CERS6: variants seen among roughly 807,000 people sequenced by gnomAD.
The protein encoded by CERS6 is ceramide synthase 6.
In CERS6, 26 loss-of-function variants were observed where a neutral mutation model predicts 56.8. The ratio of observed to expected loss-of-function variants is 0.46; its 90% CI spans 0.34 to 0.63. CERS6 has a LOEUF of 0.63. CERS6 is among the 30% of genes least tolerant of loss of function. The pLI, the probability that CERS6 is intolerant of heterozygous loss-of-function variation, is 0.01. For missense variants in CERS6, 415 were observed against 467.5 expected, an observed-to-expected ratio of 0.89 and a Z score of 1.04; for synonymous variants, 164 against 173.3, an observed-to-expected ratio of 0.95 and a Z score of 0.42.
At chr2:168,670,971 C>CT (rs946809240) in intron 4 of CERS6, among the ~76,000 whole-genome samples, 2 of 57,000 alleles carry the variant, frequency 3.5e-5, no homozygotes, top group Non-Finnish European at 1.5e-4. Flanking sequence ...ATGCTTCCCC[C>CT]CCCCCCCCCA....
Position 168,773,875 on chromosome 2 carries a change from CT to C in CERS6, c.*4214del, listed in dbSNP as rs1228287761. On this transcript the variant is annotated 3_prime_UTR_variant, in exon 10 of 10. Coordinates refer to ENST00000305747, the MANE Select transcript of CERS6 (RefSeq NM_203463.3). ...CATGTGCACTGGCCCCTCCCCACCCCTAGGGGGCACTCAGTAGCTGCTGAGA... is the reference window on the plus strand; with the variant it reads ...CATGTGCACTGGCCCCTCCCCACCCCAGGGGGCACTCAGTAGCTGCTGAGA... The C allele has an allele frequency of 4.6e-5, 7 of 152,342 alleles. No homozygotes were observed. Among genetic ancestry groups the C allele is most frequent in the Non-Finnish European group, 8.8e-5 (6 of 68,060 alleles). The allele number at this position is 152,342 out of a possible 1,614,324, so 9.4% of individuals were successfully genotyped here.
At chr2:168,703,077 G>T (rs1283615839) in intron 6 of CERS6, among the ~76,000 whole-genome samples, 1 of 152,106 alleles carries the variant, frequency 6.6e-6, no homozygotes, top group Non-Finnish European at 1.5e-5. Context: ...AATGGAGTTT[G>T]TTTACAATAA....
intron 3 of CERS6, among the ~76,000 whole-genome samples, chr2:168,613,325 G>A (rs1265543069): frequency 6.6e-6 from 1 of 152,172 alleles, no homozygotes; most frequent in Admixed American, 6.5e-5. Context: ...TACAGGGAGT[G>A]GGTGAGTTCA....
chr2:168,554,510 A>G (rs1396394451), intron 2 of CERS6, among the ~76,000 whole-genome samples: 2 of 152,336 alleles, frequency 1.3e-5, no homozygotes, highest in East Asian at 1.9e-4. Context: ...ATGAGGGAAG[A>G]TGCTGTGAAG....
intron 1 of CERS6, among the ~76,000 whole-genome samples, chr2:168,524,067 T>C (rs1695029020): frequency 6.6e-6 from 1 of 152,234 alleles, no homozygotes; most frequent in Non-Finnish European, 1.5e-5. Context: ...GTTCAACTCA[T>C]TCAAGGGCCA....
chr2:168,755,441 A>G (rs1037489783), intron 8 of CERS6, among the ~76,000 whole-genome samples: 9 of 152,172 alleles, frequency 5.9e-5, no homozygotes, highest in African/African-American at 1.9e-4. Context: ...GCATGGAGGC[A>G]TAAAGATGGA....
intron 3 of CERS6, among the ~76,000 whole-genome samples, chr2:168,598,192 G>A (rs1683847590): frequency 6.6e-6 from 1 of 152,160 alleles, no homozygotes; most frequent in African/African-American, 2.4e-5. Context: ...ACCTTCTTGA[G>A]CATCTCAAAC....
intron 4 of CERS6, among the ~76,000 whole-genome samples, chr2:168,648,068 G>T (rs1241891446): frequency 2.0e-5 from 3 of 152,182 alleles, no homozygotes; most frequent in South Asian, 2.1e-4. Flanking sequence ...CGATTTTTTG[G>T]TATAGTTTCT....
At chr2:168,743,999 T>TC (rs949458405) in intron 8 of CERS6, among the ~76,000 whole-genome samples, 3 of 127,590 alleles carry the variant, frequency 2.4e-5, no homozygotes, top group African/African-American at 3.3e-5. Context: ...TTTTTTCTTT[T>TC]TTTTTTTTTT....
intron 3 of CERS6, among the ~76,000 whole-genome samples, chr2:168,589,692 T>C (rs189623068): frequency 8.1e-5 from 12 of 148,754 alleles, no homozygotes; most frequent in African/African-American, 3.1e-4. Flanking sequence ...TAATACTACT[T>C]CTTCTACTCT....
At chr2:168,550,515 T>G (rs1695547186) in intron 2 of CERS6, among the ~76,000 whole-genome samples, 1 of 152,140 alleles carries the variant, frequency 6.6e-6, no homozygotes, top group Non-Finnish European at 1.5e-5. Flanking sequence ...TCATGTTCCC[T>G]AATGGCATGG....
intron 3 of CERS6, among the ~76,000 whole-genome samples, chr2:168,579,803 C>A (rs1198094847): frequency 6.6e-6 from 1 of 152,184 alleles, no homozygotes; most frequent in Non-Finnish European, 1.5e-5. Flanking sequence ...TCTCCCAGCT[C>A]CTCTCGCTGC....
At chr2:168,582,355 C>T (rs1683433881) in intron 3 of CERS6, among the ~76,000 whole-genome samples, 1 of 152,132 alleles carries the variant, frequency 6.6e-6, no homozygotes, top group Non-Finnish European at 1.5e-5. Context: ...CTGTGGTGTT[C>T]TACTTAGGTC....
chr2:168,609,155 T>C (rs961672557), intron 3 of CERS6, among the ~76,000 whole-genome samples: 2 of 152,198 alleles, frequency 1.3e-5, no homozygotes, highest in Non-Finnish European at 2.9e-5. Context: ...GTTGGTTCTA[T>C]CTCAAGCCTA....
At chr2:168,460,824 C>T (rs1486297633) in intron 1 of CERS6, among the ~76,000 whole-genome samples, 2 of 152,132 alleles carry the variant, frequency 1.3e-5, no homozygotes, top group African/African-American at 2.4e-5. Flanking sequence ...CAAAGTCTGG[C>T]TTCACTCACT....
intron 1 of CERS6, among the ~76,000 whole-genome samples, chr2:168,460,591 G>C (rs1693761009): frequency 6.6e-6 from 1 of 152,134 alleles, no homozygotes; most frequent in Admixed American, 6.5e-5. Context: ...CATTTGGGCT[G>C]TTATCATTTA....
intron 4 of CERS6, among the ~76,000 whole-genome samples, chr2:168,646,968 T>C (rs1158535853): frequency 6.6e-6 from 1 of 152,244 alleles, no homozygotes; most frequent in African/African-American, 2.4e-5. Context: ...GTTAACGTGA[T>C]ATCTCCAGCT....
intron 8 of CERS6, among the ~76,000 whole-genome samples, chr2:168,725,096 G>A (rs1281897009): frequency 2.6e-5 from 4 of 152,248 alleles, no homozygotes; most frequent in Non-Finnish European, 4.4e-5. Context: ...CAGTGGGCTG[G>A]CACTGCTGGG....
chr2:168,718,324 A>T (rs1687278768), intron 8 of CERS6, among the ~76,000 whole-genome samples: 1 of 152,194 alleles, frequency 6.6e-6, no homozygotes, highest in Admixed American at 6.5e-5. Context: ...ATATGACAGG[A>T]ATCTCCTGTA....
Sources: allele counts gnomAD v4.1 joint callset (sites outside exome capture counted in the v4.1 genomes callset), GRCh38; gene constraint gnomAD v4.1.1; transcripts MANE v1.5; gene names NCBI Gene and HGNC (gene_info 2026-07-23, HGNC 2026-07-21).